ATF6: variants seen among roughly 807,000 people sequenced by gnomAD.
ATF6 encodes cyclic AMP-dependent transcription factor ATF-6 alpha.
A neutral mutation model predicts 83.6 loss-of-function variants in ATF6; 53 were observed. The observed-to-expected ratio is 0.63, with a 90% CI of 0.51 to 0.80. The LOEUF is 0.80. ATF6 is among the 30% of genes least tolerant of loss of function. ATF6 has a pLI of 0.00. For missense variants in ATF6, 744 were observed against 797.9 expected (o/e 0.93, Z 0.81); for synonymous variants, 288 against 285.8 (o/e 1.01, Z -0.08).
chr1:161,847,769 C>A (rs1686518420), intron 10 of ATF6, among the ~76,000 whole-genome samples: 1 of 152,034 alleles, frequency 6.6e-6, no homozygotes, highest in Non-Finnish European at 1.5e-5. Flanking sequence ...AAATTTAAAT[C>A]TAATAGCCTT....
intron 9 of ATF6, among the ~76,000 whole-genome samples, chr1:161,835,167 T>G (rs555803417): frequency 2.3e-4 from 35 of 152,320 alleles, no homozygotes; most frequent in African/African-American, 7.9e-4. Flanking sequence ...ACTCCTAGGC[T>G]CAAGCCTCCT....
intron 14 of ATF6, among the ~76,000 whole-genome samples, chr1:161,887,771 C>T (rs1687458090): frequency 6.6e-6 from 1 of 152,148 alleles, no homozygotes; most frequent in African/African-American, 2.4e-5. Context: ...AAGGATAAAT[C>T]AATCCATAAA....
chr1:161,894,491 G>C lies in ATF6; in HGVS notation c.1720-17805G>C, dbSNP rs554163766. ...CTGAATCGTTTATAAATTTTTCTTT[G>C]GTTATTAGAGGCAACATTTGTTTTG... On this transcript the variant is annotated intron_variant, in intron 14 of 15. Transcript: ENST00000367942. 2.9e-3 allele frequency among the ~76,000 whole-genome samples: 322 copies of C among 109,546 alleles called. 2 individuals carry two copies. The highest frequency in any genetic ancestry group is 6.9e-3 in the Middle Eastern group (1 of 144). 71.9% of individuals were successfully genotyped at this position (109,546 alleles called of 152,430 possible). A position where few individuals can be genotyped will look rare whatever the true frequency, so the allele number is the denominator to read the frequency against.
At chr1:161,840,671 A>G (rs529685212) in intron 9 of ATF6, among the ~76,000 whole-genome samples, 18 of 152,322 alleles carry the variant, frequency 1.2e-4, no homozygotes, top group Non-Finnish European at 1.5e-5. Flanking sequence ...ATAAATGAAA[A>G]AGTAAGGTAA....
At chr1:161,948,517 TA>T (rs1688801256) in intron 15 of ATF6, among the ~76,000 whole-genome samples, 1 of 152,174 alleles carries the variant, frequency 6.6e-6, no homozygotes, top group African/African-American at 2.4e-5. Context: ...AGCAAGACTT[TA>T]AAAAAATCCT....
At chr1:161,927,390 A>G (rs1490228745) in intron 15 of ATF6, among the ~76,000 whole-genome samples, 1 of 152,210 alleles carries the variant, frequency 6.6e-6, no homozygotes, top group African/African-American at 2.4e-5. Flanking sequence ...GCTGGTCTCA[A>G]ACTCCTGGGC....
intron 14 of ATF6, among the ~76,000 whole-genome samples, chr1:161,897,705 T>C (rs528759529): frequency 6.6e-6 from 1 of 152,310 alleles, no homozygotes; most frequent in Admixed American, 6.5e-5. Context: ...AGATGTGCTG[T>C]AAGTGTAAAA....
At chr1:161,783,944 A>G in intron 3 of ATF6, 46 bp from the exon 4 acceptor site, 1 of 1,291,560 alleles carries the variant, frequency 7.7e-7, no homozygotes. Context: ...TTTTATTATA[A>G]GTTTTTATTG....
intron 6 of ATF6, 137 bp from the exon 7 acceptor site, chr1:161,801,915 A>G (rs1209602294): frequency 1.4e-6 from 1 of 714,332 alleles, no homozygotes; most frequent in Non-Finnish European, 2.3e-6. Flanking sequence ...CTATTGATCC[A>G]ATGTTTTAAT....
chr1:161,788,389 C>T (rs988385733), intron 4 of ATF6, among the ~76,000 whole-genome samples: 3 of 151,952 alleles, frequency 2.0e-5, no homozygotes, highest in Non-Finnish European at 4.4e-5. Context: ...TGTCCTTTGC[C>T]AGTTTTTCTA....
intron 7 of ATF6, among the ~76,000 whole-genome samples, chr1:161,816,082 G>A (rs1403385443): frequency 1.3e-5 from 2 of 152,188 alleles, no homozygotes; most frequent in African/African-American, 4.8e-5. Context: ...TCAAATAAGT[G>A]TTTACTAAGT....
At chr1:161,916,463 T>C (rs1396626412) in intron 15 of ATF6, among the ~76,000 whole-genome samples, 4 of 152,170 alleles carry the variant, frequency 2.6e-5, no homozygotes. Flanking sequence ...CCCTAAATAT[T>C]TGAAAATACA....
At chr1:161,841,914 G>T (rs555931420) in intron 9 of ATF6, among the ~76,000 whole-genome samples, 2 of 152,146 alleles carry the variant, frequency 1.3e-5, no homozygotes, top group Non-Finnish European at 2.9e-5. Flanking sequence ...AGACTACAAG[G>T]ATAGTTAAGC....
chr1:161,787,413 CAGCTCTT>C (rs1259662696), intron 4 of ATF6, among the ~76,000 whole-genome samples: 2 of 152,072 alleles, frequency 1.3e-5, no homozygotes, highest in African/African-American at 4.8e-5. Context: ...CCCTTCACAC[CAGCTCTT>C]ATGTTCTTTT....
intron 14 of ATF6, among the ~76,000 whole-genome samples, chr1:161,902,757 TATGGAGCTC>T (rs1216509034): frequency 6.6e-6 from 1 of 152,236 alleles, no homozygotes; most frequent in Non-Finnish European, 1.5e-5. Context: ...TGTCTGCTGT[TATGGAGCTC>T]ATGGAGCTCA....
chr1:161,791,611 G>A, intron 5 of ATF6, 74 bp downstream of exon 5: 2 of 1,477,484 alleles, frequency 1.4e-6, no homozygotes, highest in South Asian at 2.6e-5. Flanking sequence ...AAAAGAAAAT[G>A]CTGGATTAAA....
At chr1:161,827,408 A>C (rs1005641046) in intron 9 of ATF6, among the ~76,000 whole-genome samples, 2 of 152,292 alleles carry the variant, frequency 1.3e-5, no homozygotes. Context: ...TTATGTTTTA[A>C]TTGGAAAATG....
intron 15 of ATF6, among the ~76,000 whole-genome samples, chr1:161,951,800 A>C (rs1383387360): frequency 6.6e-6 from 1 of 152,096 alleles, no homozygotes; most frequent in Non-Finnish European, 1.5e-5. Flanking sequence ...AGGGAAAAAA[A>C]CTCATCTTCT....
At chr1:161,876,218 CAT>C (rs1687214317) in intron 14 of ATF6, among the ~76,000 whole-genome samples, 1 of 151,868 alleles carries the variant, frequency 6.6e-6, no homozygotes, top group African/African-American at 2.4e-5. Context: ...CTAAGCAAAA[CAT>C]AAAGTTTATA....
Sources: gnomAD v4.1 joint callset for allele counts (sites outside exome capture counted in the v4.1 genomes callset) on GRCh38, gnomAD v4.1.1 for gene constraint, MANE v1.5 for transcripts, NCBI Gene and HGNC (gene_info 2026-07-23, HGNC 2026-07-21) for gene names.